Variants in TTLL11 observed in about 807,000 individuals in gnomAD.
The protein encoded by TTLL11 is tubulin polyglutamylase TTLL11.
Under a neutral mutation model 51.7 loss-of-function variants are expected in TTLL11, and 42 were observed. The ratio of observed to expected loss-of-function variants is 0.81; its 90% CI spans 0.64 to 1.05. TTLL11 has a LOEUF of 1.05. Ranked by LOEUF, TTLL11 falls within the 50% of genes least tolerant of loss-of-function variation. The pLI, the probability that TTLL11 is intolerant of heterozygous loss-of-function variation, is 0.00. For missense variants in TTLL11, 799 were observed against 940.4 expected, an observed-to-expected ratio of 0.85 and a Z score of 1.97; for synonymous variants, 381 against 383.5, an observed-to-expected ratio of 0.99 and a Z score of 0.08.
chr9:121,870,705 A>G lies in TTLL11; in HGVS notation c.1525T>C (p.Leu509=). 1 of 1,550,584 alleles carries G rather than the reference A, an allele frequency of 6.4e-7. No individual in the cohort carries two copies. The highest frequency in any genetic ancestry group is 8.7e-7 in the Non-Finnish European group (1 of 1,146,118). ...EKPFAGKEDA[L]DGELTSAPDC... is the part of the protein sequence containing the mutation. Reference sequence around the variant, plus strand: ...GGAGCACTGGTCAGCTCGCCGTCCAAAGCATCTTCCTTTCCAGCGAATGGT... The same window carrying G: ...GGAGCACTGGTCAGCTCGCCGTCCAGAGCATCTTCCTTTCCAGCGAATGGT... Residue 509 remains leucine (L), a synonymous_variant, in exon 7 of 9, where the codon TTG becomes CTG. Coordinates refer to ENST00000321582, the MANE Select transcript of TTLL11 (RefSeq NM_001139442.2).
chr9:121,869,456 T>C (rs1812514334), intron 7 of TTLL11, among the ~76,000 whole-genome samples: 1 of 152,158 alleles, frequency 6.6e-6, no homozygotes, highest in African/African-American at 2.4e-5. Context: ...CTCCTTGAGG[T>C]GTATAGGATA....
chr9:121,986,671 G>T (rs1268483352), intron 4 of TTLL11, among the ~76,000 whole-genome samples: 1 of 152,032 alleles, frequency 6.6e-6, no homozygotes, highest in East Asian at 1.9e-4. Context: ...CCCTCCAAAA[G>T]GTGCCGCCAG....
intron 6 of TTLL11, among the ~76,000 whole-genome samples, chr9:121,940,721 T>C (rs1841423311): frequency 6.6e-6 from 1 of 152,154 alleles, no homozygotes; most frequent in Admixed American, 6.6e-5. Context: ...CACCATTTCT[T>C]ACTCTACTCC....
intron 8 of TTLL11, among the ~76,000 whole-genome samples, chr9:121,828,356 T>C (rs1415242087): frequency 1.3e-5 from 2 of 152,026 alleles, no homozygotes; most frequent in Non-Finnish European, 2.9e-5. Flanking sequence ...GTATTTTTAG[T>C]AGAGATGGGG....
At position 121,989,625 on chromosome 9, in the gene TTLL11, A is replaced by C; in HGVS notation, c.839T>G (p.Val280Gly). The change falls in exon 4 of 9, where the codon GTG becomes GGG. Residue 280 changes from valine (V) to glycine (G), a missense_variant. Val to Gly is a moderately radical substitution (Grantham distance 109). Around this residue, in one of 3 missense-constraint regions of TTLL11, gnomAD observed 468 missense variants for 612.8 expected, o/e 0.76. Coordinates refer to ENST00000321582, the MANE Select transcript of TTLL11 (RefSeq NM_001139442.2). The surrounding 1 kb of genome is among the most constrained non-coding windows in gnomAD (Gnocchi z 4.2). ...AGGTTTGCAGATGTACTCCTGGACC[A>C]CCGCTGGCCTGCTCTGGAGGGTCCC... Reference protein sequence around the residue: ...LAGTLQSRPAVVQEYICKPLL... With the variant: ...LAGTLQSRPAGVQEYICKPLL... 6.2e-7 allele frequency: 1 copy of C among 1,614,136 alleles called. No individual in the cohort carries two copies. Among genetic ancestry groups the C allele is most frequent in the Non-Finnish European group, 8.5e-7 (1 of 1,180,018 alleles).
At position 121,963,647 on chromosome 9, in the gene TTLL11, T is replaced by G. The variant is rs528722510; in HGVS notation, c.1481+10362A>C. The G allele has an allele frequency of 6.6e-5, 10 of 152,316 alleles. No homozygotes were observed. The East Asian group carries it at 1.9e-3, about 29-fold the overall frequency. The allele number at this position is 152,316 out of a possible 1,614,324, so 9.4% of individuals were successfully genotyped here. ...GCTCGGCTCCTGTCTGATGGCCCTG[T>G]GGAATGACACTCTCACATCAGCTCA... On this transcript the variant is annotated intron_variant, in intron 6 of 8. Coordinates refer to ENST00000321582, the MANE Select transcript of TTLL11 (RefSeq NM_001139442.2).
intron 6 of TTLL11, among the ~76,000 whole-genome samples, chr9:121,971,033 C>CT (rs1842534056): frequency 6.8e-6 from 1 of 146,170 alleles, no homozygotes; most frequent in African/African-American, 2.5e-5. Flanking sequence ...GGGTCAGCCC[C>CT]CCGCCCGGTC....
At chr9:122,018,564 C>T (rs900330087) in intron 3 of TTLL11, among the ~76,000 whole-genome samples, 1 of 152,180 alleles carries the variant, frequency 6.6e-6, no homozygotes, top group Non-Finnish European at 1.5e-5. Context: ...CTCACTTGCT[C>T]TAAGGCTAGG....
rs138157250 is a variant in TTLL11, at chr9:121,820,100, G to A, written c.*2487C>T. 2.0e-4 allele frequency among the ~76,000 whole-genome samples: 30 copies of A among 152,346 alleles called. No homozygotes were observed. In the East Asian group the frequency reaches 5.4e-3, roughly 27 times the overall value. On this transcript the variant is annotated 3_prime_UTR_variant, in exon 9 of 9. Transcript: ENST00000321582. ...CCGGGACAGAGGGGCCATGGTGGGC[G>A]GAGCAGCCCGCCTCCAGATGATGGC... is the stretch of plus-strand genomic sequence containing the variant.
intron 6 of TTLL11, among the ~76,000 whole-genome samples, chr9:121,947,928 G>A (rs527926384): frequency 6.6e-6 from 1 of 152,322 alleles, no homozygotes; most frequent in African/African-American, 2.4e-5. Context: ...TTATGCTGGT[G>A]CCGTGCTTTT....
At chr9:121,980,824 GC>G (rs1842810499) in intron 4 of TTLL11, among the ~76,000 whole-genome samples, 1 of 152,220 alleles carries the variant, frequency 6.6e-6, no homozygotes, top group Non-Finnish European at 1.5e-5. Context: ...GGAATACTAT[GC>G]AGCCATAAAA....
chr9:121,889,154 T>G (rs1839126403), intron 6 of TTLL11, among the ~76,000 whole-genome samples: 1 of 152,158 alleles, frequency 6.6e-6, no homozygotes, highest in Admixed American at 6.5e-5. Context: ...CTATGAGGTA[T>G]CTCTACTTTA....
At position 122,093,227 on chromosome 9, in the gene TTLL11, G is replaced by A. The variant is rs1265260250; in HGVS notation, c.-79C>T. On this transcript the variant is annotated 5_prime_UTR_variant, in exon 1 of 9. Coordinates refer to ENST00000321582, the MANE Select transcript of TTLL11 (RefSeq NM_001139442.2). The stretch of plus-strand genomic sequence containing the variant: ...CGCCGCCCCAGTCCGCCACCAAACT[G>A]CCGCCGCTGCAGCCGCTGCCACGCG... The A allele has an allele frequency of 5.4e-6, 8 of 1,493,450 alleles. No homozygotes were observed. Among genetic ancestry groups the A allele is most frequent in the Non-Finnish European group, 7.1e-6 (8 of 1,131,588 alleles). The allele number at this position is 1,493,450 out of a possible 1,614,324, so 92.5% of individuals were successfully genotyped here.
chr9:121,954,249 A>T (rs547592817), intron 6 of TTLL11, among the ~76,000 whole-genome samples: 1 of 152,336 alleles, frequency 6.6e-6, no homozygotes, highest in East Asian at 1.9e-4. Flanking sequence ...GGCCAAGTCA[A>T]CAGGCCTGTG....
At chr9:121,864,239 C>T (rs1442183091) in intron 7 of TTLL11, among the ~76,000 whole-genome samples, 2 of 152,260 alleles carry the variant, frequency 1.3e-5, no homozygotes, top group East Asian at 3.9e-4. Context: ...GCTGAATGGG[C>T]CTTGGATACC....
intron 2 of TTLL11, among the ~76,000 whole-genome samples, chr9:122,035,393 G>A (rs946419044): frequency 5.9e-5 from 9 of 152,160 alleles, no homozygotes; most frequent in Non-Finnish European, 1.2e-4. Flanking sequence ...CTGAGGCCTG[G>A]GCTTTTCTGT....
At chr9:121,893,741 T>G (rs1839346693) in intron 6 of TTLL11, among the ~76,000 whole-genome samples, 1 of 152,148 alleles carries the variant, frequency 6.6e-6, no homozygotes, top group African/African-American at 2.4e-5. Flanking sequence ...ATTATCCCAC[T>G]TACGTCTACT....
intron 1 of TTLL11, among the ~76,000 whole-genome samples, chr9:122,091,612 A>C (rs368320664): frequency 5.3e-5 from 8 of 152,220 alleles, no homozygotes; most frequent in Admixed American, 2.6e-4. Flanking sequence ...GTATGTTCCA[A>C]CTTAATGAAA....
At chr9:122,081,684 C>A (rs1846007735) in intron 1 of TTLL11, among the ~76,000 whole-genome samples, 1 of 152,114 alleles carries the variant, frequency 6.6e-6, no homozygotes, top group Admixed American at 6.6e-5. Flanking sequence ...CCTTCTTGAG[C>A]TAACAAGTCA....
Sources: allele counts gnomAD v4.1 joint callset (sites outside exome capture counted in the v4.1 genomes callset), GRCh38; gene constraint gnomAD v4.1.1; regional missense constraint gnomAD v4.1.1; non-coding constraint Gnocchi (gnomAD v3.1); transcripts MANE v1.5; gene names NCBI Gene and HGNC (gene_info 2026-07-23, HGNC 2026-07-21).